ERBB4: variants seen among roughly 807,000 people sequenced by gnomAD.
ERBB4 encodes erb-b2 receptor tyrosine kinase 4.
In ERBB4, 42 loss-of-function variants were observed where a neutral mutation model predicts 158.0. The ratio of observed to expected loss-of-function variants is 0.27; its 90% CI spans 0.21 to 0.34. The LOEUF (loss-of-function observed/expected upper bound fraction) is 0.34. ERBB4 is among the 10% of genes least tolerant of loss of function. The pLI, the probability that ERBB4 is intolerant of heterozygous loss-of-function variation, is 1.00. For synonymous variants in ERBB4, 583 were observed against 558.7 expected, an observed-to-expected ratio of 1.04 and a Z score of -0.61; for missense variants, 1,333 against 1,624.1, an observed-to-expected ratio of 0.82 and a Z score of 3.08.
rs1458564976 is a variant in ERBB4 at position 211,378,683 on chromosome 2, T to A, written c.*4932A>T. Reference sequence around the variant, plus strand: ...ATAATGAGGTCTCCACTGATAATGATCTTTTAAAATTATGCCTGATCTCAT... The same window carrying A: ...ATAATGAGGTCTCCACTGATAATGAACTTTTAAAATTATGCCTGATCTCAT... On this transcript the variant is annotated 3_prime_UTR_variant, in exon 28 of 28. Coordinates refer to ENST00000342788, the MANE Select transcript of ERBB4 (RefSeq NM_005235.3). The A allele has an allele frequency of 8.6e-6, 2 of 232,270 alleles. No individual in the cohort carries two copies. Among genetic ancestry groups the A allele is most frequent in the East Asian group, 1.2e-4 (2 of 16,490 alleles). 14.4% of individuals were successfully genotyped at this position (232,270 alleles called of 1,614,324 possible).
intron 20 of ERBB4, among the ~76,000 whole-genome samples, chr2:211,500,479 T>C (rs2065589260): frequency 6.6e-6 from 1 of 152,108 alleles, no homozygotes; most frequent in South Asian, 2.1e-4. Flanking sequence ...ATAGGTTTGA[T>C]TCTACAAAAA....
chr2:212,231,312 A>C (rs1335916594), intron 1 of ERBB4, among the ~76,000 whole-genome samples: 1 of 152,206 alleles, frequency 6.6e-6, no homozygotes, highest in Non-Finnish European at 1.5e-5. Context: ...ACAGGTTATA[A>C]AACCTTTTCA....
At chr2:211,538,169 G>A (rs138308073) in intron 20 of ERBB4, among the ~76,000 whole-genome samples, 367 of 151,846 alleles carry the variant, frequency 2.4e-3, no homozygotes, top group African/African-American at 8.3e-3. Context: ...AATTTAAAAT[G>A]TACACTGAAG....
At chr2:212,132,506 C>T (rs557321290) in intron 1 of ERBB4, among the ~76,000 whole-genome samples, 6 of 152,206 alleles carry the variant, frequency 3.9e-5, no homozygotes, top group East Asian at 3.9e-4. Flanking sequence ...AGTGCAGGCA[C>T]GGATAGAATA....
intron 8 of ERBB4, among the ~76,000 whole-genome samples, chr2:211,712,761 C>T (rs1409454719): frequency 9.4e-6 from 1 of 106,532 alleles, no homozygotes; most frequent in African/African-American, 3.9e-5. Flanking sequence ...ACAAACAAAA[C>T]AATTTTTGTG....
At chr2:212,373,632 C>A (rs1398675639) in intron 1 of ERBB4, among the ~76,000 whole-genome samples, 1 of 149,622 alleles carries the variant, frequency 6.7e-6, no homozygotes, top group Non-Finnish European at 1.5e-5. Context: ...ATTAAGGTAT[C>A]AAGTTATAGT....
At chr2:212,199,381 C>T (rs1406471907) in intron 1 of ERBB4, among the ~76,000 whole-genome samples, 2 of 152,038 alleles carry the variant, frequency 1.3e-5, no homozygotes, top group Non-Finnish European at 2.9e-5. Context: ...GTGAGTGAAC[C>T]TCATTAGTGA....
intron 4 of ERBB4, among the ~76,000 whole-genome samples, chr2:211,785,710 C>A (rs547965177): frequency 1.3e-5 from 2 of 152,064 alleles, no homozygotes; most frequent in South Asian, 2.1e-4. Flanking sequence ...CCTATCACTG[C>A]TTGAAAATGA....
intron 3 of ERBB4, among the ~76,000 whole-genome samples, chr2:211,845,559 T>G (rs2077568196): frequency 6.6e-6 from 1 of 152,136 alleles, no homozygotes; most frequent in Admixed American, 6.6e-5. Context: ...CAGATTGCCT[T>G]GATCACAGGT....
chr2:211,453,838 T>C (rs1260503048), intron 20 of ERBB4, among the ~76,000 whole-genome samples: 1 of 152,206 alleles, frequency 6.6e-6, no homozygotes, highest in African/African-American at 2.4e-5. Context: ...CTTATACCTC[T>C]CATTTCACAA....
chr2:211,397,147 C>A (rs182448921), intron 25 of ERBB4, among the ~76,000 whole-genome samples: 1 of 152,020 alleles, frequency 6.6e-6, no homozygotes, highest in Non-Finnish European at 1.5e-5. Flanking sequence ...TAGCCCTCCC[C>A]GAGAGCTACC....
chr2:212,129,225 T>C (rs1462164067), intron 1 of ERBB4, among the ~76,000 whole-genome samples: 1 of 151,556 alleles, frequency 6.6e-6, no homozygotes, highest in Non-Finnish European at 1.5e-5. Context: ...ATAATACTCA[T>C]ACTTTAATAT....
chr2:211,563,276 A>G (rs937841041), intron 19 of ERBB4, among the ~76,000 whole-genome samples: 3 of 152,172 alleles, frequency 2.0e-5, no homozygotes, highest in African/African-American at 7.2e-5. Flanking sequence ...TTATATTATG[A>G]AAGCCAATAA....
intron 1 of ERBB4, among the ~76,000 whole-genome samples, chr2:212,243,791 C>G (rs867439099): frequency 3.1e-4 from 47 of 152,042 alleles, no homozygotes; most frequent in African/African-American, 1.1e-3. Flanking sequence ...AGCTATTGAG[C>G]CAGATTCCCC....
intron 1 of ERBB4, among the ~76,000 whole-genome samples, chr2:212,132,001 C>A (rs1029656877): frequency 6.6e-6 from 1 of 152,190 alleles, no homozygotes; most frequent in South Asian, 2.1e-4. Flanking sequence ...GTTATGAATA[C>A]ATTTTGTGTG....
intron 1 of ERBB4, among the ~76,000 whole-genome samples, chr2:212,299,614 A>T (rs1225808269): frequency 6.6e-6 from 1 of 151,562 alleles, no homozygotes; most frequent in Non-Finnish European, 1.5e-5. Context: ...AATGGCAGGG[A>T]CACAGAGGTA....
intron 1 of ERBB4, among the ~76,000 whole-genome samples, chr2:212,131,960 G>A (rs1007376369): frequency 2.0e-5 from 3 of 152,172 alleles, no homozygotes; most frequent in Non-Finnish European, 4.4e-5. Context: ...AATGGGTACT[G>A]TAATTGCCAT....
chr2:211,452,189 T>TC (rs35139837), intron 20 of ERBB4, among the ~76,000 whole-genome samples: 17,049 of 152,120 alleles, frequency 0.11, 3,179 homozygotes, highest in African/African-American at 0.39. Flanking sequence ...AAACACTATT[T>TC]TTTTTTGAGA....
In ERBB4 at chr2:212,191,695, TATA is replaced by T. The variant is rs1281970608; in HGVS notation, c.83-66795_83-66793del. Reference sequence around the variant, plus strand: ...TATCGCGTGTGTTATACATGTTACATATAACACGTGTTATACATGTTACATATA... The same window carrying T: ...TATCGCGTGTGTTATACATGTTACATACACGTGTTATACATGTTACATATA... On this transcript the variant is annotated intron_variant, in intron 1 of 27. Coordinates refer to ENST00000342788, the MANE Select transcript of ERBB4 (RefSeq NM_005235.3). 7.8e-5 allele frequency among the ~76,000 whole-genome samples: 4 copies of T among 51,414 alleles called. No homozygotes were observed. In the East Asian group the frequency reaches 3.5e-3, roughly 45 times the overall value. The allele number at this position is 51,414 out of a possible 152,430, so 33.7% of individuals were successfully genotyped here.
Sources: gnomAD v4.1 joint callset for allele counts (sites outside exome capture counted in the v4.1 genomes callset) on GRCh38, gnomAD v4.1.1 for gene constraint, MANE v1.5 for transcripts, NCBI Gene and HGNC (gene_info 2026-07-23, HGNC 2026-07-21) for gene names.